The following CEP112 variants were observed in gnomAD, a reference collection of about 807,000 sequenced individuals.
The protein encoded by CEP112 is centrosomal protein 112, also known as centrosomal protein of 112 kDa.
Under a neutral mutation model 153.0 loss-of-function variants are expected in CEP112, and 127 were observed. That is an observed-to-expected ratio of 0.83 (90% CI 0.72 to 0.96). CEP112 has a LOEUF of 0.96. Ranked by LOEUF, CEP112 falls within the 40% of genes least tolerant of loss-of-function variation. CEP112 has a pLI of 0.00. For synonymous variants in CEP112, 358 were observed against 374.4 expected (o/e 0.96, Z 0.51); for missense variants, 1,089 against 1,101.2 (o/e 0.99, Z 0.16).
intron 21 of CEP112, among the ~76,000 whole-genome samples, chr17:65,785,825 T>C (rs980467548): frequency 6.6e-6 from 1 of 152,194 alleles, no homozygotes; most frequent in Non-Finnish European, 1.5e-5. Context: ...TGATTCACTT[T>C]GAGGTCCTTT....
intron 16 of CEP112, among the ~76,000 whole-genome samples, chr17:66,006,924 A>G (rs894264474): frequency 6.6e-6 from 1 of 152,184 alleles, no homozygotes; most frequent in Non-Finnish European, 1.5e-5. Context: ...CAACAACAAA[A>G]CATAAATACA....
chr17:66,121,499 T>TA (rs1253465942), intron 6 of CEP112, among the ~76,000 whole-genome samples: 1 of 152,158 alleles, frequency 6.6e-6, no homozygotes, highest in African/African-American at 2.4e-5. Context: ...TTGGTGCACT[T>TA]ATGGTATTCC....
At chr17:65,802,312 T>C (rs1381754687) in intron 21 of CEP112, among the ~76,000 whole-genome samples, 1 of 152,218 alleles carries the variant, frequency 6.6e-6, no homozygotes, top group Non-Finnish European at 1.5e-5. Context: ...GGTTACATTC[T>C]TTCCCCTTTT....
At chr17:65,939,877 C>G (rs944925653) in intron 18 of CEP112, among the ~76,000 whole-genome samples, 3 of 152,012 alleles carry the variant, frequency 2.0e-5, no homozygotes, top group Admixed American at 6.6e-5. Flanking sequence ...CGAAGGCAAA[C>G]ACAGACAAAT....
intron 18 of CEP112, among the ~76,000 whole-genome samples, chr17:65,936,656 C>T (rs974879034): frequency 2.7e-5 from 4 of 148,696 alleles, no homozygotes; most frequent in Non-Finnish European, 3.0e-5. Context: ...TGTTAGACAA[C>T]GCATTAATAA....
intron 17 of CEP112, among the ~76,000 whole-genome samples, chr17:65,966,399 C>T (rs972288233): frequency 3.3e-5 from 5 of 152,194 alleles, no homozygotes; most frequent in Admixed American, 3.3e-4. Context: ...TCCTTTTGCA[C>T]ATTTCTGTTC....
intron 11 of CEP112, among the ~76,000 whole-genome samples, chr17:66,061,596 TG>T (rs2066922384): frequency 8.3e-6 from 1 of 120,284 alleles, no homozygotes; most frequent in Non-Finnish European, 1.8e-5. Flanking sequence ...ACACACACAC[TG>T]GAATACTATT....
chr17:65,986,676 CATTATTTCATTCA>C (rs141352245), intron 17 of CEP112, among the ~76,000 whole-genome samples: 88,724 of 151,760 alleles, frequency 0.58, 27,304 homozygotes, highest in African/African-American at 0.72. Flanking sequence ...CTATACGATT[CATTATTTCATTCA>C]AAAAATCAAA....
intron 4 of CEP112, among the ~76,000 whole-genome samples, chr17:66,152,486 G>A (rs2071252226): frequency 6.6e-6 from 1 of 152,158 alleles, no homozygotes; most frequent in African/African-American, 2.4e-5. Context: ...AGACTTCATG[G>A]TTTTAAAAAT....
At chr17:65,805,310 G>A (rs1435793578) in intron 21 of CEP112, among the ~76,000 whole-genome samples, 4 of 152,304 alleles carry the variant, frequency 2.6e-5, no homozygotes, top group East Asian at 3.9e-4. Context: ...TTTAGGAGCT[G>A]CCCTTAGTCC....
At chr17:65,917,575 G>A (rs1342708587) in intron 19 of CEP112, among the ~76,000 whole-genome samples, 2 of 152,110 alleles carry the variant, frequency 1.3e-5, no homozygotes, top group Non-Finnish European at 2.9e-5. Context: ...TCCTGTCCAT[G>A]TAATTCCTCC....
At position 66,063,032 on chromosome 17, in the gene CEP112, G is replaced by A. The variant is rs139289670; in HGVS notation, c.1005C>T (p.Asp335=). The A allele has an allele frequency of 3.1e-6, 5 of 1,596,004 alleles. No homozygotes were observed. The highest frequency in any genetic ancestry group is 4.3e-6 in the Non-Finnish European group (5 of 1,172,428). Reference sequence around the variant, plus strand: ...ATATCTTTTTCAGCTCTGCAATCTGGTCTTCTTTAGTCTCTCTGATAACTT... The same window carrying A: ...ATATCTTTTTCAGCTCTGCAATCTGATCTTCTTTAGTCTCTCTGATAACTT... ...DCQVIRETKE[D]QIAELKKICE... is the part of the protein sequence containing the mutation. The change falls in exon 11 of 27, where the codon GAC becomes GAT. Residue 335 remains aspartate (D), a synonymous_variant. Transcript: ENST00000535342.
intron 24 of CEP112, among the ~76,000 whole-genome samples, chr17:65,651,428 G>A (rs933872751): frequency 6.6e-6 from 1 of 152,096 alleles, no homozygotes; most frequent in African/African-American, 2.4e-5. Context: ...TTCATTTAAT[G>A]ACTTCTTTTC....
At chr17:66,009,614 T>C (rs1598094774) in intron 16 of CEP112, among the ~76,000 whole-genome samples, 1 of 152,368 alleles carries the variant, frequency 6.6e-6, no homozygotes, top group Non-Finnish European at 1.5e-5. Flanking sequence ...TTTAAGTCTT[T>C]AATCCATATT....
rs1485151224 is a variant in CEP112 at position 65,690,142 on chromosome 17, C to T, written c.2608-924G>A. On this transcript the variant is annotated intron_variant, in intron 23 of 26. Coordinates refer to ENST00000535342, the MANE Select transcript of CEP112 (RefSeq NM_001199165.4). ...AAAAAAAAAAAAAAAAAAAAAACTC[C>T]GGTCGGGCACAGTGGTTCACATCTG... is the stretch of plus-strand genomic sequence containing the variant. Among the ~76,000 whole-genome samples, 5 of 145,444 alleles carry T rather than the reference C, an allele frequency of 3.4e-5. No individual in the cohort carries two copies. The East Asian group carries it at 6.0e-4, about 17-fold the overall frequency.
intron 12 of CEP112, among the ~76,000 whole-genome samples, chr17:66,047,457 G>A (rs2066260049): frequency 6.6e-6 from 1 of 152,172 alleles, no homozygotes; most frequent in Non-Finnish European, 1.5e-5. Context: ...TGAAAATGTA[G>A]AAGAACGGAC....
At chr17:65,920,185 A>C (rs1568229226) in intron 19 of CEP112, among the ~76,000 whole-genome samples, 1 of 150,586 alleles carries the variant, frequency 6.6e-6, no homozygotes, top group African/African-American at 2.5e-5. Flanking sequence ...TCTCTACTAA[A>C]AATACAAAAA....
intron 8 of CEP112, among the ~76,000 whole-genome samples, chr17:66,087,455 A>C (rs2067981215): frequency 6.6e-6 from 1 of 152,214 alleles, no homozygotes; most frequent in South Asian, 2.1e-4. Context: ...TTTTAGAAAA[A>C]GAAATTCAAA....
intron 24 of CEP112, among the ~76,000 whole-genome samples, chr17:65,672,839 G>C (rs2047051534): frequency 6.6e-6 from 1 of 152,002 alleles, no homozygotes; most frequent in Non-Finnish European, 1.5e-5. Context: ...TGAAAATGAT[G>C]GCATTTCCAA....
Sources: allele counts gnomAD v4.1 joint callset (sites outside exome capture counted in the v4.1 genomes callset), GRCh38; gene constraint gnomAD v4.1.1; transcripts MANE v1.5; gene names NCBI Gene and HGNC (gene_info 2026-07-23, HGNC 2026-07-21).